The following EBF1 variants were observed in gnomAD, a reference collection of about 807,000 sequenced individuals.
EBF1 encodes EBF transcription factor 1.
Under a neutral mutation model 68.4 loss-of-function variants are expected in EBF1, and 10 were observed. That is an observed-to-expected ratio of 0.15 (90% CI 0.09 to 0.25). EBF1 has a LOEUF of 0.25. EBF1 is among the 10% of genes least tolerant of loss of function. The pLI, the probability that EBF1 is intolerant of heterozygous loss-of-function variation, is 1.00. For missense variants in EBF1, 509 were observed against 794.4 expected, an observed-to-expected ratio of 0.64 and a Z score of 4.32; for synonymous variants, 298 against 299.8, an observed-to-expected ratio of 0.99 and a Z score of 0.06.
chr5:159,016,308 C>T (rs150343822), intron 6 of EBF1, among the ~76,000 whole-genome samples: 1 of 152,152 alleles, frequency 6.6e-6, no homozygotes, highest in Non-Finnish European at 1.5e-5. Flanking sequence ...AAGAACTTGG[C>T]CAGTGGCTTC....
At chr5:159,051,262 G>A (rs537384993) in intron 6 of EBF1, among the ~76,000 whole-genome samples, 370 of 151,906 alleles carry the variant, frequency 2.4e-3, no homozygotes, top group African/African-American at 8.7e-3. Flanking sequence ...CACGGGGAGG[G>A]CACAACATTT....
At chr5:159,006,276 G>A (rs1337207751) in intron 6 of EBF1, among the ~76,000 whole-genome samples, 8 of 152,066 alleles carry the variant, frequency 5.3e-5, no homozygotes, top group Admixed American at 5.2e-4. Flanking sequence ...CAGCTCTTTG[G>A]GGAGCTGGGT....
chr5:159,000,853 C>G (rs1226305282), intron 6 of EBF1, among the ~76,000 whole-genome samples: 1 of 152,028 alleles, frequency 6.6e-6, no homozygotes, highest in African/African-American at 2.4e-5. Flanking sequence ...GAAAGATATA[C>G]CAATGTATTT....
At position 158,697,911 on chromosome 5, in the gene EBF1, TA is replaced by T. The variant is rs1205378701; in HGVS notation, c.*1199del. The T allele has an allele frequency of 1.4e-5, 3 of 208,266 alleles. No individual in the cohort carries two copies. The highest frequency in any genetic ancestry group is 6.8e-5 in the African/African-American group (3 of 43,946). 12.9% of individuals were successfully genotyped at this position (208,266 alleles called of 1,614,324 possible). On this transcript the variant is annotated 3_prime_UTR_variant, in exon 16 of 16. Coordinates refer to ENST00000313708, the MANE Select transcript of EBF1 (RefSeq NM_024007.5). ...CAGATAATGAGAGCAAAAATTCCCA[TA>T]GAACAGAAAACTATGTTTTGGAGGT...
chr5:158,812,189 T>A (rs1357408097), intron 8 of EBF1, among the ~76,000 whole-genome samples: 1 of 152,164 alleles, frequency 6.6e-6, no homozygotes, highest in Non-Finnish European at 1.5e-5. Flanking sequence ...CATGTGTTAG[T>A]GTTAAATAGA....
At position 159,087,871 on chromosome 5, in the gene EBF1, C is replaced by T. The variant is rs573843864; in HGVS notation, c.412-3132G>A. On this transcript the variant is annotated intron_variant, in intron 4 of 15. Coordinates refer to ENST00000313708, the MANE Select transcript of EBF1 (RefSeq NM_024007.5). The stretch of plus-strand genomic sequence containing the variant: ...ATGAAACCATCAGTTTGGATTTGCT[C>T]AGAAATAGTTAGGAACTCTAGGGAG... Among the ~76,000 whole-genome samples the T allele has an allele frequency of 2.6e-4, 40 of 152,248 alleles. No individual in the cohort carries two copies. The South Asian group carries it at 8.3e-3, about 32-fold the overall frequency.
intron 7 of EBF1, among the ~76,000 whole-genome samples, chr5:158,827,042 A>C (rs1329029461): frequency 6.6e-6 from 1 of 152,178 alleles, no homozygotes; most frequent in Non-Finnish European, 1.5e-5. Context: ...TAACCACCAT[A>C]CTTAACTCAT....
chr5:159,016,184 T>C (rs1765585599), intron 6 of EBF1, among the ~76,000 whole-genome samples: 1 of 152,210 alleles, frequency 6.6e-6, no homozygotes, highest in Non-Finnish European at 1.5e-5. Flanking sequence ...TGTACAAACA[T>C]TCCATACAGA....
chr5:158,929,338 G>C (rs1810360116), intron 6 of EBF1, among the ~76,000 whole-genome samples: 1 of 152,148 alleles, frequency 6.6e-6, no homozygotes, highest in Admixed American at 6.5e-5. Flanking sequence ...TTTAGAATTA[G>C]TGACCCTGTC....
At chr5:158,802,302 T>A (rs994406561) in intron 8 of EBF1, among the ~76,000 whole-genome samples, 1 of 152,176 alleles carries the variant, frequency 6.6e-6, no homozygotes, top group Non-Finnish European at 1.5e-5. Flanking sequence ...AGAGATATAT[T>A]GTTTGGCTTT....
At chr5:158,820,487 A>G (rs184257438) in intron 8 of EBF1, among the ~76,000 whole-genome samples, 1 of 152,274 alleles carries the variant, frequency 6.6e-6, no homozygotes, top group African/African-American at 2.4e-5. Flanking sequence ...AAGTGTCTAA[A>G]TGAGTGGGTG....
chr5:158,760,723 C>T (rs1771238505), intron 10 of EBF1, among the ~76,000 whole-genome samples: 1 of 152,132 alleles, frequency 6.6e-6, no homozygotes, highest in Non-Finnish European at 1.5e-5. Context: ...TGGATCAATA[C>T]TCCCAGCAGC....
rs552909310 is a variant in EBF1 at position 158,892,318 on chromosome 5, A to T, written c.555-52208T>A. On this transcript the variant is annotated intron_variant, in intron 6 of 15. Coordinates refer to ENST00000313708, the MANE Select transcript of EBF1 (RefSeq NM_024007.5). ...AGCCTAACCAACATGGTGAAACTCC[A>T]TCTCTACTAAAAATACAAAAACTAG... 7.9e-5 allele frequency among the ~76,000 whole-genome samples: 12 copies of T among 152,124 alleles called. No homozygotes were observed. In the South Asian group the frequency reaches 2.5e-3, roughly 32 times the overall value.
chr5:158,748,454 A>T (rs1215671308), intron 10 of EBF1, among the ~76,000 whole-genome samples: 2 of 152,192 alleles, frequency 1.3e-5, no homozygotes, highest in African/African-American at 4.8e-5. Flanking sequence ...CTTCCTGGGG[A>T]GTCTTTTAAC....
chr5:158,712,413 C>T, intron 13 of EBF1, 80 bp from the exon 14 acceptor site: 1 of 1,527,720 alleles, frequency 6.5e-7, no homozygotes, highest in East Asian at 2.4e-5. Flanking sequence ...AAAGGAAGGT[C>T]TCTGTTTCTG....
intron 6 of EBF1, among the ~76,000 whole-genome samples, chr5:159,035,089 G>T (rs1002828640): frequency 2.6e-5 from 4 of 152,064 alleles, no homozygotes; most frequent in African/African-American, 9.7e-5. Flanking sequence ...ATTATTGACT[G>T]ATTGAAGCCA....
chr5:158,899,413 A>C (rs1166695818), intron 6 of EBF1, among the ~76,000 whole-genome samples: 1 of 152,242 alleles, frequency 6.6e-6, no homozygotes, highest in Non-Finnish European at 1.5e-5. Flanking sequence ...TGGGAATCAC[A>C]GGAAGCAGTA....
At chr5:158,894,499 G>T (rs979741706) in intron 6 of EBF1, among the ~76,000 whole-genome samples, 1 of 151,974 alleles carries the variant, frequency 6.6e-6, no homozygotes, top group African/African-American at 2.4e-5. Flanking sequence ...ACTACCCTGG[G>T]TTAAGTTCCA....
At chr5:158,801,957 T>G (rs1780672509) in intron 8 of EBF1, among the ~76,000 whole-genome samples, 1 of 152,126 alleles carries the variant, frequency 6.6e-6, no homozygotes, top group South Asian at 2.1e-4. Context: ...TAAGCTGGAA[T>G]CGCACTTCAG....
Sources: allele counts gnomAD v4.1 joint callset (sites outside exome capture counted in the v4.1 genomes callset), GRCh38; gene constraint gnomAD v4.1.1; transcripts MANE v1.5; gene names NCBI Gene and HGNC (gene_info 2026-07-23, HGNC 2026-07-21).